DIAPH2: variants seen among roughly 807,000 people sequenced by gnomAD.
DIAPH2 encodes the protein protein diaphanous homolog 2.
DIAPH2 carries 35 observed loss-of-function variants against 92.7 expected under a neutral mutation model. The ratio of observed to expected loss-of-function variants is 0.38; its 90% CI spans 0.29 to 0.50. DIAPH2 has a LOEUF of 0.50. DIAPH2 is among the 20% of genes least tolerant of loss of function. The pLI is 0.94. For synonymous variants in DIAPH2, 301 were observed against 280.4 expected, an observed-to-expected ratio of 1.07 and a Z score of -0.73; for missense variants, 701 against 819.5, an observed-to-expected ratio of 0.86 and a Z score of 1.77.
chrX:97,487,483 C>A (rs961395280), intron 26 of DIAPH2, among the ~76,000 whole-genome samples: 1 of 110,825 alleles, frequency 9.0e-6, no homozygotes, highest in Non-Finnish European at 1.9e-5. Flanking sequence ...ACCATGTTAG[C>A]CAGGATGGTC....
At chrX:96,894,547 A>G (rs1445253001) in intron 5 of DIAPH2, among the ~76,000 whole-genome samples, 2 of 111,708 alleles carry the variant, frequency 1.8e-5, no homozygotes, top group Non-Finnish European at 3.8e-5. Flanking sequence ...AGTGCCTTTG[A>G]GGTTCGCATT....
intron 22 of DIAPH2, among the ~76,000 whole-genome samples, chrX:97,198,349 T>A (rs1276356056): frequency 9.2e-6 from 1 of 109,016 alleles, no homozygotes; most frequent in East Asian, 2.8e-4. Flanking sequence ...TGTGTATATA[T>A]ATATTAATAT....
intron 4 of DIAPH2, among the ~76,000 whole-genome samples, chrX:96,821,639 A>AT (rs752650044): frequency 8.0e-5 from 9 of 111,844 alleles, no homozygotes; most frequent in Non-Finnish European, 1.5e-4. Context: ...TTGATAATGA[A>AT]TTTTTTTTGT....
At chrX:97,248,905 T>G (rs776485288) in intron 23 of DIAPH2, among the ~76,000 whole-genome samples, 49 of 111,962 alleles carry the variant, frequency 4.4e-4, no homozygotes, top group South Asian at 2.6e-3. Flanking sequence ...GTGTTTTGTA[T>G]GGTACTTTAG....
chrX:97,037,572 T>C (rs1409203993), intron 17 of DIAPH2, among the ~76,000 whole-genome samples: 2 of 112,004 alleles, frequency 1.8e-5, no homozygotes, highest in African/African-American at 6.5e-5. Context: ...GAAGTAACCA[T>C]CATTCTCTCT....
intron 4 of DIAPH2, among the ~76,000 whole-genome samples, chrX:96,797,169 A>AT (rs983807160): frequency 7.2e-4 from 75 of 103,923 alleles, no homozygotes; most frequent in Middle Eastern, 5.0e-3. Context: ...TCTGAGTTCC[A>AT]TTTTTTTTTT....
At chrX:96,727,726 T>C (rs910987342) in intron 1 of DIAPH2, among the ~76,000 whole-genome samples, 3 of 111,659 alleles carry the variant, frequency 2.7e-5, no homozygotes, top group Non-Finnish European at 5.6e-5. Flanking sequence ...GATCTGAAAG[T>C]GAATAAGACA....
At chrX:97,198,006 G>A (rs1838588067) in intron 22 of DIAPH2, among the ~76,000 whole-genome samples, 1 of 110,937 alleles carries the variant, frequency 9.0e-6, no homozygotes, top group Non-Finnish European at 1.9e-5. Context: ...GCATCACTTA[G>A]ACAGCTTTAT....
chrX:96,733,449 A>C (rs763212261), intron 1 of DIAPH2, among the ~76,000 whole-genome samples: 7 of 111,261 alleles, frequency 6.3e-5, no homozygotes, highest in Non-Finnish European at 1.1e-4. Context: ...TGAAGTGGTC[A>C]GTGTGACTGG....
At chrX:97,334,998 C>CAAAAAAAAAAAAAAAAACAAAAAAAAAA (rs2069043155) in intron 23 of DIAPH2, among the ~76,000 whole-genome samples, 1 of 31,456 alleles carries the variant, frequency 3.2e-5, no homozygotes, top group Non-Finnish European at 6.1e-5. Context: ...AAAAACAAAA[C>CAAAAAAAAAAAAAAAAACAAAAAAAAAA]AAAAAAAAAA....
intron 22 of DIAPH2, among the ~76,000 whole-genome samples, chrX:97,175,941 T>G (rs2067488333): frequency 8.9e-6 from 1 of 111,866 alleles, no homozygotes; most frequent in Non-Finnish European, 1.9e-5. Flanking sequence ...TGTGAATCAT[T>G]TATCTACTTT....
rs1273291760 is a variant in DIAPH2, at chrX:97,604,757, T to C, written c.*5440T>C. The C allele has an allele frequency of 8.9e-6, 1 of 112,017 alleles. No homozygotes were observed. Among genetic ancestry groups the C allele is most frequent in the Non-Finnish European group, 1.9e-5 (1 of 53,158 alleles). The allele number at this position is 112,017 out of a possible 1,213,427, so 9.2% of individuals were successfully genotyped here. On this transcript the variant is annotated 3_prime_UTR_variant, in exon 27 of 27. Coordinates refer to ENST00000324765, the MANE Select transcript of DIAPH2 (RefSeq NM_006729.5). ...GGGTTCTTTACAAGCTTATTTTACA[T>C]ACCGTGAATCCCTCACCTAAAGGGA...
chrX:97,103,937 C>T (rs1401678514), intron 20 of DIAPH2, among the ~76,000 whole-genome samples: 1 of 111,408 alleles, frequency 9.0e-6, no homozygotes, highest in African/African-American at 3.3e-5. Flanking sequence ...CATGCTGCTC[C>T]TTTACTCCTG....
chrX:97,303,056 A>G (rs898975312), intron 23 of DIAPH2, among the ~76,000 whole-genome samples: 4 of 112,161 alleles, frequency 3.6e-5, no homozygotes, highest in African/African-American at 6.5e-5. Context: ...TAAGATCCCA[A>G]TTTTGTTTTG....
chrX:97,287,302 C>CG (rs1256401003), intron 23 of DIAPH2, among the ~76,000 whole-genome samples: 3 of 105,632 alleles, frequency 2.8e-5, no homozygotes, highest in African/African-American at 7.1e-5. Context: ...GAAACTCCGT[C>CG]GGGAAAAAAA....
chrX:96,938,969 G>A (rs1291802508), intron 11 of DIAPH2, among the ~76,000 whole-genome samples: 6 of 111,565 alleles, frequency 5.4e-5, no homozygotes, highest in Non-Finnish European at 9.4e-5. Context: ...TGGCATTGCT[G>A]TTCCAATGGT....
intron 4 of DIAPH2, among the ~76,000 whole-genome samples, chrX:96,806,691 T>C (rs1426093061): frequency 1.9e-5 from 2 of 106,731 alleles, no homozygotes; most frequent in East Asian, 5.9e-4. Context: ...ATTTCATTTG[T>C]CCTGTCTATA....
chrX:97,032,842 T>C (rs978002528), intron 17 of DIAPH2, among the ~76,000 whole-genome samples: 3 of 111,965 alleles, frequency 2.7e-5, no homozygotes, highest in African/African-American at 9.7e-5. Flanking sequence ...GTCTGACTTA[T>C]GTGACTAACT....
intron 4 of DIAPH2, among the ~76,000 whole-genome samples, chrX:96,861,010 C>T (rs755653277): frequency 9.0e-6 from 1 of 111,404 alleles, no homozygotes; most frequent in African/African-American, 3.3e-5. Context: ...GTTATGAATG[C>T]TAAAGTATTC....
Sources: allele counts gnomAD v4.1 joint callset (sites outside exome capture counted in the v4.1 genomes callset), GRCh38; gene constraint gnomAD v4.1.1; transcripts MANE v1.5; gene names NCBI Gene and HGNC (gene_info 2026-07-23, HGNC 2026-07-21).